The following CTNND2 variants were observed in gnomAD, a reference collection of about 807,000 sequenced individuals.
CTNND2 encodes catenin delta-2.
Under a neutral mutation model 144.4 loss-of-function variants are expected in CTNND2, and 22 were observed. That is an observed-to-expected ratio of 0.15 (90% CI 0.11 to 0.22). CTNND2 has a LOEUF of 0.22. Among genes scored for constraint, CTNND2 ranks in the 10% least tolerant of loss-of-function variants. The pLI is 1.00. For synonymous variants in CTNND2, 751 were observed against 695.6 expected (o/e 1.08, Z -1.25); for missense variants, 1,353 against 1,618.8 (o/e 0.84, Z 2.82).
intron 1 of CTNND2, among the ~76,000 whole-genome samples, chr5:11,886,429 A>G (rs978572842): frequency 1.3e-5 from 2 of 152,176 alleles, no homozygotes; most frequent in Admixed American, 1.3e-4. Flanking sequence ...ATGCCAAAAA[A>G]ATTGGAAAAC....
intron 12 of CTNND2, among the ~76,000 whole-genome samples, chr5:11,119,745 T>C (rs577894775): frequency 2.6e-5 from 4 of 152,338 alleles, no homozygotes; most frequent in African/African-American, 9.6e-5. Context: ...TTTCGCTCTT[T>C]AGCGTGGCAA....
rs568093279 is a variant in CTNND2, at chr5:11,256,939, C to T, written c.1629-20116G>A. On this transcript the variant is annotated intron_variant, in intron 9 of 21. Transcript: ENST00000304623. ...CTCTACCAATTAAATGCTAATAGCA[C>T]CCTTTTCCCCCAAGCTGTGACAACT... is the stretch of plus-strand genomic sequence containing the variant. Among the ~76,000 whole-genome samples the T allele has an allele frequency of 3.9e-5, 6 of 152,284 alleles. No homozygotes were observed. In the East Asian group the frequency reaches 1.2e-3, roughly 29 times the overall value.
At chr5:11,279,938 T>C (rs974935779) in intron 9 of CTNND2, among the ~76,000 whole-genome samples, 3 of 151,930 alleles carry the variant, frequency 2.0e-5, no homozygotes, top group Non-Finnish European at 4.4e-5. Flanking sequence ...CATGAGAAAT[T>C]TACCCCCATG....
chr5:11,578,405 G>T (rs574929614), intron 2 of CTNND2, among the ~76,000 whole-genome samples: 33 of 152,262 alleles, frequency 2.2e-4, no homozygotes, highest in Non-Finnish European at 3.7e-4. Context: ...GCTCATGTCT[G>T]TAATCCTAGC....
chr5:11,064,352 A>G (rs1561246361), intron 16 of CTNND2, among the ~76,000 whole-genome samples: 1 of 152,160 alleles, frequency 6.6e-6, no homozygotes, highest in African/African-American at 2.4e-5. Flanking sequence ...TAGTCACCGC[A>G]TAACTGAGCA....
At chr5:11,431,577 T>A (rs1403180595) in intron 3 of CTNND2, among the ~76,000 whole-genome samples, 1 of 152,100 alleles carries the variant, frequency 6.6e-6, no homozygotes, top group Admixed American at 6.6e-5. Flanking sequence ...CCAGCCTCCA[T>A]ATAAGGACTT....
chr5:11,170,780 C>A (rs1414554697), intron 11 of CTNND2, among the ~76,000 whole-genome samples: 1 of 152,128 alleles, frequency 6.6e-6, no homozygotes, highest in Non-Finnish European at 1.5e-5. Flanking sequence ...TGAAGAAATA[C>A]CTGAGACTGG....
chr5:11,492,785 A>G (rs1291111570), intron 3 of CTNND2, among the ~76,000 whole-genome samples: 1 of 152,030 alleles, frequency 6.6e-6, no homozygotes, highest in African/African-American at 2.4e-5. Context: ...AAATATTAAG[A>G]AAAGGCTGGG....
chr5:11,641,019 C>A lies in CTNND2; in HGVS notation c.175-75963G>T, dbSNP rs187577483. Among the ~76,000 whole-genome samples, 4 of 152,224 alleles carry A rather than the reference C, an allele frequency of 2.6e-5. No homozygotes were observed. In the East Asian group the frequency reaches 7.7e-4, roughly 29 times the overall value. ...TAATAAAACCCAAAATAAAACCCAA[C>A]ATGTCAGTGTTTACTGTGAGACACA... On this transcript the variant is annotated intron_variant, in intron 2 of 21. Transcript: ENST00000304623.
In CTNND2 at chr5:11,263,527, G is replaced by A. The variant is rs553299362; in HGVS notation, c.1629-26704C>T. 1.1e-3 allele frequency among the ~76,000 whole-genome samples: 165 copies of A among 152,242 alleles called. 1 individual carries two copies. The highest frequency in any genetic ancestry group is 3.8e-3 in the African/African-American group (157 of 41,542). ...CATGTATGTGTGTGTGTGAGTGTGT[G>A]TGTGTGAGGTGGAGAAAGAGTGAAG... On this transcript the variant is annotated intron_variant, in intron 9 of 21. Transcript: ENST00000304623.
intron 3 of CTNND2, among the ~76,000 whole-genome samples, chr5:11,478,596 A>G (rs1016556358): frequency 1.3e-5 from 2 of 152,210 alleles, no homozygotes; most frequent in Admixed American, 6.5e-5. Flanking sequence ...ATCTTCTTCA[A>G]TCATGCATAT....
chr5:11,703,647 T>C (rs1785556537), intron 2 of CTNND2, among the ~76,000 whole-genome samples: 1 of 152,236 alleles, frequency 6.6e-6, no homozygotes, highest in Non-Finnish European at 1.5e-5. Flanking sequence ...TAAAATATTG[T>C]CTCTGCCCTC....
At chr5:11,294,386 T>C (rs1287569261) in intron 9 of CTNND2, among the ~76,000 whole-genome samples, 1 of 152,188 alleles carries the variant, frequency 6.6e-6, no homozygotes, top group Non-Finnish European at 1.5e-5. Context: ...AACTAGCCAC[T>C]TTTTCATGGG....
chr5:11,120,045 G>A (rs530532040), intron 12 of CTNND2, among the ~76,000 whole-genome samples: 16 of 152,174 alleles, frequency 1.1e-4, no homozygotes, highest in Non-Finnish European at 1.8e-4. Context: ...TAATCTTAGC[G>A]TTTTTCTTTA....
At chr5:11,201,736 C>A (rs1176819848) in intron 10 of CTNND2, among the ~76,000 whole-genome samples, 5 of 152,102 alleles carry the variant, frequency 3.3e-5, no homozygotes, top group Admixed American at 6.5e-5. Context: ...GGTTGCCCAG[C>A]CTGAGGGTGG....
chr5:11,262,897 C>T (rs1347764100), intron 9 of CTNND2, among the ~76,000 whole-genome samples: 1 of 151,324 alleles, frequency 6.6e-6, no homozygotes, highest in African/African-American at 2.4e-5. Flanking sequence ...CTTTCAACAA[C>T]ATAGGCTTTT....
intron 2 of CTNND2, among the ~76,000 whole-genome samples, chr5:11,575,740 C>T (rs561666537): frequency 8.9e-4 from 135 of 152,138 alleles, no homozygotes; most frequent in Non-Finnish European, 1.6e-3. Context: ...CGCACAAACT[C>T]TTCTGATGGT....
chr5:11,219,298 T>C (rs11743046), intron 10 of CTNND2, among the ~76,000 whole-genome samples: 9,197 of 152,340 alleles, frequency 0.06, 395 homozygotes, highest in Admixed American at 0.11. Flanking sequence ...TTCTTCAAGA[T>C]CACCATGTTT....
chr5:11,714,545 A>G (rs1025294), intron 2 of CTNND2, among the ~76,000 whole-genome samples: 45,345 of 151,998 alleles, frequency 0.3, 8,839 homozygotes, highest in African/African-American at 0.56. Context: ...AATAGGTTGT[A>G]AGATCTCTCT....
Sources: gnomAD v4.1 joint callset for allele counts (sites outside exome capture counted in the v4.1 genomes callset) on GRCh38, gnomAD v4.1.1 for gene constraint, MANE v1.5 for transcripts, NCBI Gene and HGNC (gene_info 2026-07-23, HGNC 2026-07-21) for gene names.